OTUD7A: variants seen among roughly 807,000 people sequenced by gnomAD.
The protein encoded by OTUD7A is OTU domain-containing protein 7A.
In OTUD7A, 12 loss-of-function variants were observed where a neutral mutation model predicts 65.7. That is an observed-to-expected ratio of 0.18 (90% CI 0.12 to 0.30). The LOEUF (loss-of-function observed/expected upper bound fraction) is 0.30. Among genes scored for constraint, OTUD7A ranks in the 10% least tolerant of loss-of-function variants. The pLI is 1.00. For missense variants in OTUD7A, 1,148 were observed against 1,304.8 expected, an observed-to-expected ratio of 0.88 and a Z score of 1.85; for synonymous variants, 641 against 586.3, an observed-to-expected ratio of 1.09 and a Z score of -1.35.
Position 31,566,852 on chromosome 15 carries a change from G to A in OTUD7A, c.331+3166C>T, listed in dbSNP as rs778040230. Among the ~76,000 whole-genome samples, 84 of 152,264 alleles carry A rather than the reference G, an allele frequency of 5.5e-4. 1 individual carries two copies. Among genetic ancestry groups the A allele is most frequent in the Middle Eastern group, 3.4e-3 (1 of 294 alleles). On this transcript the variant is annotated intron_variant, in intron 4 of 12. Transcript: ENST00000307050. ...TGGGATTTTAAGCTTCCTGAGGCCT[G>A]CCATGATTTTAAGCTTCCTGAGGCC... is the stretch of plus-strand genomic sequence containing the variant.
Position 31,526,333 on chromosome 15 carries a change from C to T in OTUD7A, c.893+16G>A. ...AGCTGGAGGTGACTTCTGGGGAGAG[C>T]AGGGGCAGCACTTACCCCCCGCCCG... On this transcript the variant is annotated intron_variant, in intron 8 of 12. Coordinates refer to ENST00000307050, the MANE Select transcript of OTUD7A (RefSeq NM_001382637.1). 2 of 1,571,608 alleles carry T rather than the reference C, an allele frequency of 1.3e-6. No individual in the cohort carries two copies. The highest frequency in any genetic ancestry group is 1.7e-6 in the Non-Finnish European group (2 of 1,163,074).
chr15:31,743,604 T>C (rs1894399016), intron 1 of OTUD7A, among the ~76,000 whole-genome samples: 1 of 151,662 alleles, frequency 6.6e-6, no homozygotes, highest in African/African-American at 2.4e-5. Flanking sequence ...ATCAGCGAAA[T>C]AGAAAATAAA....
intron 3 of OTUD7A, among the ~76,000 whole-genome samples, chr15:31,636,198 C>G (rs1264295101): frequency 6.6e-6 from 1 of 152,150 alleles, no homozygotes; most frequent in African/African-American, 2.4e-5. Flanking sequence ...CTGTGCTGAG[C>G]AAGTTTATTG....
intron 3 of OTUD7A, among the ~76,000 whole-genome samples, chr15:31,634,832 G>A (rs74012560): frequency 9.6e-4 from 146 of 152,242 alleles, no homozygotes; most frequent in African/African-American, 3.3e-3. Context: ...GGTTTCTATC[G>A]GGCTCTGACT....
chr15:31,504,051 G>A (rs557269024), intron 8 of OTUD7A, among the ~76,000 whole-genome samples: 4 of 152,318 alleles, frequency 2.6e-5, no homozygotes, highest in African/African-American at 9.6e-5. Context: ...GAGTTGGAAA[G>A]AGCCCGCAGG....
At chr15:31,775,790 G>T (rs557756494) in intron 1 of OTUD7A, among the ~76,000 whole-genome samples, 1 of 152,180 alleles carries the variant, frequency 6.6e-6, no homozygotes, top group Non-Finnish European at 1.5e-5. Context: ...AGGGAAGAAT[G>T]TGAGTGTATC....
At chr15:31,570,799 C>A (rs1053541782) in intron 3 of OTUD7A, among the ~76,000 whole-genome samples, 23 of 152,060 alleles carry the variant, frequency 1.5e-4, no homozygotes, top group African/African-American at 5.6e-4. Flanking sequence ...GGCTCCCACC[C>A]CGACACGGGG....
intron 3 of OTUD7A, among the ~76,000 whole-genome samples, chr15:31,570,442 TAC>T (rs57517466): frequency 0.042 from 6,042 of 143,142 alleles, 122 homozygotes; most frequent in South Asian, 0.082. Flanking sequence ...TTTAGGTTCA[TAC>T]ACACACACAC....
Position 31,483,947 on chromosome 15 carries a change from A to G in OTUD7A, c.2149T>C (p.Ser717Pro). ...TEGVPVPERASPGPPTQLVLK... is the reference protein window; with the variant it reads ...TEGVPVPERAPPGPPTQLVLK... The stretch of plus-strand genomic sequence containing the variant: ...ACCAGCTGCGTGGGTGGGCCCGGAG[A>G]GGCGCGCTCCGGGACCGGCACGCCC... Residue 717 changes from serine to proline, a missense_variant, in exon 13 of 13, where the codon TCT becomes CCT. This residue lies in a region of OTUD7A where 842 missense variants were observed against 769.5 expected (regional missense o/e 1.09). Transcript: ENST00000307050. 9.0e-7 allele frequency: 1 copy of G among 1,116,980 alleles called. No homozygotes were observed. The highest frequency in any genetic ancestry group is 1.1e-6 in the Non-Finnish European group (1 of 906,626). The allele number at this position is 1,116,980 out of a possible 1,614,324, so 69.2% of individuals were successfully genotyped here. A position where few individuals can be genotyped will look rare whatever the true frequency, so the allele number is the denominator to read the frequency against.
intron 5 of OTUD7A, among the ~76,000 whole-genome samples, chr15:31,554,993 C>T (rs1702280785): frequency 6.6e-6 from 1 of 152,130 alleles, no homozygotes; most frequent in Non-Finnish European, 1.5e-5. Context: ...TGGGGAAGAC[C>T]AGTCTCCCAG....
At chr15:31,591,753 C>A (rs1420370950) in intron 3 of OTUD7A, among the ~76,000 whole-genome samples, 1 of 152,226 alleles carries the variant, frequency 6.6e-6, no homozygotes, top group African/African-American at 2.4e-5. Flanking sequence ...GTGCATACTG[C>A]ACATTCATGT....
intron 8 of OTUD7A, among the ~76,000 whole-genome samples, chr15:31,507,627 T>C (rs1461154086): frequency 1.4e-5 from 1 of 70,124 alleles, no homozygotes; most frequent in African/African-American, 8.4e-5. Context: ...TTGCTGCCGC[T>C]GCTGGCTGGG....
chr15:31,710,926 C>T (rs1893427923), intron 1 of OTUD7A, among the ~76,000 whole-genome samples: 1 of 152,096 alleles, frequency 6.6e-6, no homozygotes, highest in African/African-American at 2.4e-5. Context: ...CCCAGGTATT[C>T]CCATGGCCGT....
chr15:31,641,480 G>T (rs1279169409), intron 3 of OTUD7A, among the ~76,000 whole-genome samples: 3 of 152,132 alleles, frequency 2.0e-5, no homozygotes, highest in African/African-American at 7.2e-5. Context: ...TACATAAAAA[G>T]CTGGCTTGGA....
intron 3 of OTUD7A, among the ~76,000 whole-genome samples, chr15:31,605,154 C>T (rs1169395349): frequency 6.6e-6 from 1 of 152,152 alleles, no homozygotes; most frequent in Non-Finnish European, 1.5e-5. Context: ...TTAGAACTTA[C>T]TCTCTCTGTG....
chr15:31,852,376 C>A (rs1443171003), intron 1 of OTUD7A, among the ~76,000 whole-genome samples: 2 of 152,120 alleles, frequency 1.3e-5, no homozygotes, highest in Admixed American at 6.5e-5. Context: ...GTCGCCATGG[C>A]CTTTGAAACT....
intron 3 of OTUD7A, among the ~76,000 whole-genome samples, chr15:31,653,448 C>T (rs1190908433): frequency 2.0e-5 from 3 of 151,920 alleles, no homozygotes; most frequent in African/African-American, 7.3e-5. Flanking sequence ...GAACCGGCTA[C>T]TGACACATGA....
intron 1 of OTUD7A, among the ~76,000 whole-genome samples, chr15:31,819,479 G>A (rs1367851141): frequency 6.6e-6 from 1 of 152,160 alleles, no homozygotes; most frequent in Non-Finnish European, 1.5e-5. Context: ...TAAATATTCA[G>A]AGAGAAAAGA....
intron 1 of OTUD7A, among the ~76,000 whole-genome samples, chr15:31,729,008 C>T (rs1893969422): frequency 6.6e-6 from 1 of 152,134 alleles, no homozygotes; most frequent in African/African-American, 2.4e-5. Context: ...TAGGTGAGTA[C>T]AGTACAATAA....
Sources: allele counts gnomAD v4.1 joint callset (sites outside exome capture counted in the v4.1 genomes callset), GRCh38; gene constraint gnomAD v4.1.1; regional missense constraint gnomAD v4.1.1; transcripts MANE v1.5; gene names NCBI Gene and HGNC (gene_info 2026-07-23, HGNC 2026-07-21).